The following CSNK1D variants were observed in gnomAD, a reference collection of about 807,000 sequenced individuals.
CSNK1D encodes the protein casein kinase I isoform delta.
Under a neutral mutation model 46.6 loss-of-function variants are expected in CSNK1D, and 16 were observed. That is an observed-to-expected ratio of 0.34 (90% CI 0.23 to 0.52). CSNK1D has a LOEUF of 0.52. CSNK1D is among the 20% of genes least tolerant of loss of function. The pLI, the probability that CSNK1D is intolerant of heterozygous loss-of-function variation, is 0.95. For synonymous variants in CSNK1D, 276 were observed against 228.2 expected, an observed-to-expected ratio of 1.21 and a Z score of -1.89; for missense variants, 398 against 578.4, an observed-to-expected ratio of 0.69 and a Z score of 3.20.
downstream of CSNK1D, chr17:82,242,580 CAAAG>C (rs1489677809): frequency 2.2e-6 from 2 of 925,920 alleles, no homozygotes; most frequent in African/African-American, 1.8e-5. Context: ...ACAGCCATCT[CAAAG>C]AAGTATTTTC....
Position 82,251,901 on chromosome 17 carries a change from G to A in CSNK1D, c.737-374C>T, listed in dbSNP as rs1250984825. On this transcript the variant is annotated intron_variant, in intron 5 of 8. Coordinates refer to ENST00000314028, the MANE Select transcript of CSNK1D (RefSeq NM_001893.6). This position sits in a 1 kb window ranked among gnomAD's most constrained non-coding sequence, Gnocchi z 4.5. ...CCCAGCTACCGGGGAGGCTGACGCA[G>A]GAGAATGGTATGAACCCGGGAGGCG... is the stretch of plus-strand genomic sequence containing the variant. 1.8e-5 allele frequency: 6 copies of A among 341,962 alleles called. No homozygotes were observed. Among genetic ancestry groups the A allele is most frequent in the Non-Finnish European group, 3.3e-5 (6 of 179,132 alleles). 21.2% of individuals were successfully genotyped at this position (341,962 alleles called of 1,614,324 possible).
At chr17:82,261,032 C>T (rs2051326755) in intron 2 of CSNK1D, 1 of 154,940 alleles carries the variant, frequency 6.5e-6, no homozygotes, top group Non-Finnish European at 1.5e-5. Flanking sequence ...GCCACTGCAC[C>T]TGGCCTGTTT....
chr17:82,265,905 G>C, intron 1 of CSNK1D, 109 bp from the exon 2 acceptor site: 1 of 907,564 alleles, frequency 1.1e-6, no homozygotes, highest in Non-Finnish European at 1.8e-6. Context: ...GACCAAGTGA[G>C]GGATGTGTTC....
intron 1 of CSNK1D, among the ~76,000 whole-genome samples, chr17:82,270,251 C>A (rs1239658048): frequency 2.0e-5 from 3 of 152,206 alleles, no homozygotes. Context: ...GCAGTGAGCA[C>A]CCGCCCTCCA....
chr17:82,252,561 T>A lies in CSNK1D; in HGVS notation c.609A>T (p.Leu203=). The A allele has an allele frequency of 6.2e-7, 1 of 1,614,020 alleles. No homozygotes were observed. The highest frequency in any genetic ancestry group is 8.5e-7 in the Non-Finnish European group (1 of 1,180,016). Residue 203 remains leucine (L), a synonymous_variant, in exon 5 of 9, where the codon CTA becomes CTT. Transcript: ENST00000314028. The surrounding 1 kb of genome is among the most constrained non-coding windows in gnomAD (Gnocchi z 4.6). Reference sequence around the variant, plus strand: ...GGAGAGAGCCCAGGTTGAAGTACATTAGCACGTAGCCCAGAGACTCCAAGT... The same window carrying A: ...GGAGAGAGCCCAGGTTGAAGTACATAAGCACGTAGCCCAGAGACTCCAAGT... ...RDDLESLGYV[L]MYFNLGSLPW... is the part of the protein sequence containing the mutation.
Position 82,249,589 on chromosome 17 carries a change from G to T in CSNK1D, c.899C>A (p.Ala300Asp). ...GCGCTCCCGCTCGGCGTCATCGGCGGCCCGGCTGGCACCCTGAGGAGGCAG... is the reference window on the plus strand; with the variant it reads ...GCGCTCCCGCTCGGCGTCATCGGCGTCCCGGCTGGCACCCTGAGGAGGCAG... ...WNMLKFGASR[A>D]ADDAERERRD... The change falls in exon 7 of 9, where the codon GCC becomes GAC. Residue 300 changes from alanine to aspartate, a missense_variant. Physicochemically the swap from Ala to Asp is moderately radical, Grantham distance 126. Coordinates refer to ENST00000314028, the MANE Select transcript of CSNK1D (RefSeq NM_001893.6). This position sits in a 1 kb window ranked among gnomAD's most constrained non-coding sequence, Gnocchi z 6.7. The T allele has an allele frequency of 1.3e-6, 2 of 1,559,672 alleles. No individual in the cohort carries two copies. Among genetic ancestry groups the T allele is most frequent in the Non-Finnish European group, 8.6e-7 (1 of 1,156,948 alleles).
rs1568551392 is a variant in CSNK1D at position 82,244,805 on chromosome 17, ACCACTGGAAG to A, written c.1214_1223del (p.Ala405ValfsTer23). 6.2e-7 allele frequency: 1 copy of A among 1,613,930 alleles called. No individual in the cohort carries two copies. Among genetic ancestry groups the A allele is most frequent in the Non-Finnish European group, 8.5e-7 (1 of 1,180,024 alleles). Reference sequence around the variant, plus strand: ...CTCATCGGTGCACGACAGACTGAAGACCACTGGAAGCCACCCGACCAGGAATCTGTCGGAG... The same window carrying A: ...CTCATCGGTGCACGACAGACTGAAGACCACCCGACCAGGAATCTGTCGGAG... On this transcript the variant is annotated frameshift_variant, in exon 9 of 9. Transcript: ENST00000314028. LOFTEE classifies it high-confidence loss of function.
intron 1 of CSNK1D, among the ~76,000 whole-genome samples, chr17:82,270,667 C>T (rs778952226): frequency 3.3e-5 from 5 of 152,172 alleles, no homozygotes; most frequent in African/African-American, 7.2e-5. Context: ...CTGCCTTACT[C>T]CGGCTAACGT....
intron 8 of CSNK1D, chr17:82,245,168 T>C: frequency 2.0e-6 from 1 of 510,960 alleles, no homozygotes; most frequent in East Asian, 3.5e-5. Context: ...GGTACCCCTC[T>C]CAGGGAAGAC....
In CSNK1D at chr17:82,250,220, G is replaced by C. The variant is rs1170240688; in HGVS notation, c.886-618C>G. On this transcript the variant is annotated intron_variant, in intron 6 of 8. Coordinates refer to ENST00000314028, the MANE Select transcript of CSNK1D (RefSeq NM_001893.6). The surrounding 1 kb of genome is among the most constrained non-coding windows in gnomAD (Gnocchi z 4.6). Reference sequence around the variant, plus strand: ...TTCTAACTGCCAATGCTGTGCGGCAGGGGCCTGCAAACTACAGCCCCGGGG... The same window carrying C: ...TTCTAACTGCCAATGCTGTGCGGCACGGGCCTGCAAACTACAGCCCCGGGG... 2.6e-5 allele frequency: 34 copies of C among 1,289,662 alleles called. No homozygotes were observed. Among genetic ancestry groups the C allele is most frequent in the Non-Finnish European group, 3.4e-5 (34 of 988,802 alleles). 79.9% of individuals were successfully genotyped at this position (1,289,662 alleles called of 1,614,324 possible). A position where few individuals can be genotyped will look rare whatever the true frequency, so the allele number is the denominator to read the frequency against.
chr17:82,257,434 T>C (rs946462829), intron 2 of CSNK1D, among the ~76,000 whole-genome samples: 25 of 152,240 alleles, frequency 1.6e-4, no homozygotes, highest in Non-Finnish European at 3.5e-4. Context: ...AGAGATGCTA[T>C]TGTTTTTTTT....
chr17:82,273,259 G>C lies in CSNK1D; in HGVS notation c.76+47C>G. On this transcript the variant is annotated intron_variant, in intron 1 of 8. Transcript: ENST00000314028. The surrounding 1 kb of genome is among the most constrained non-coding windows in gnomAD (Gnocchi z 5.1). ...GCGATCGCGCTTGGTCTTGGCAGCC[G>C]CAGGGCCCGGGTCTTCGGGCGGCGG... 1 of 1,559,532 alleles carries C rather than the reference G, an allele frequency of 6.4e-7. No individual in the cohort carries two copies. The highest frequency in any genetic ancestry group is 8.7e-7 in the Non-Finnish European group (1 of 1,152,156).
In CSNK1D at chr17:82,249,181, G is replaced by A; in HGVS notation, c.1058-167C>T. The A allele has an allele frequency of 3.3e-6, 3 of 905,010 alleles. No homozygotes were observed. Among genetic ancestry groups the A allele is most frequent in the Non-Finnish European group, 4.9e-6 (3 of 607,342 alleles). The allele number at this position is 905,010 out of a possible 1,614,324, so 56.1% of individuals were successfully genotyped here. ...TCAGATCCGGCCGGAGGGACACAAAGGGACATGGGAGCGAGGTCAAGGGGC... is the reference window on the plus strand; with the variant it reads ...TCAGATCCGGCCGGAGGGACACAAAAGGACATGGGAGCGAGGTCAAGGGGC... On this transcript the variant is annotated intron_variant, in intron 7 of 8. Coordinates refer to ENST00000314028, the MANE Select transcript of CSNK1D (RefSeq NM_001893.6). The surrounding 1 kb of genome is among the most constrained non-coding windows in gnomAD (Gnocchi z 6.7).
chr17:82,273,460 C>A lies in CSNK1D; in HGVS notation c.-79G>T, dbSNP rs1463600873. The A allele has an allele frequency of 4.5e-6, 7 of 1,558,110 alleles. No individual in the cohort carries two copies. The highest frequency in any genetic ancestry group is 1.8e-5 in the Admixed American group (1 of 57,136). ...CTCTGGGAGGCGGCGCCGCTGCTGCCGCTACTGCGGGTCCGGCTCCCGGCT... is the reference window on the plus strand; with the variant it reads ...CTCTGGGAGGCGGCGCCGCTGCTGCAGCTACTGCGGGTCCGGCTCCCGGCT... On this transcript the variant is annotated 5_prime_UTR_variant, in exon 1 of 9. Transcript: ENST00000314028. This position sits in a 1 kb window ranked among gnomAD's most constrained non-coding sequence, Gnocchi z 5.1.
At chr17:82,257,399 A>G (rs893003641) in intron 2 of CSNK1D, among the ~76,000 whole-genome samples, 1 of 152,206 alleles carries the variant, frequency 6.6e-6, no homozygotes. Flanking sequence ...CATTAAAAAA[A>G]TAGTTTCTGC....
intron 2 of CSNK1D, among the ~76,000 whole-genome samples, chr17:82,263,395 G>C (rs1415706535): frequency 6.6e-6 from 1 of 152,214 alleles, no homozygotes; most frequent in Non-Finnish European, 1.5e-5. Context: ...GGAACATGAA[G>C]GTGCAGGCTT....
In CSNK1D at chr17:82,265,735, G is replaced by A. The variant is rs780817260; in HGVS notation, c.138C>T (p.His46=). 9.3e-6 allele frequency: 15 copies of A among 1,614,040 alleles called. No homozygotes were observed. In the East Asian group the frequency reaches 2.0e-4, roughly 22 times the overall value. ...AIKLECVKTK[H]PQLHIESKIY... ...TTTTGCTCTCAATGTGGAGCTGAGGGTGTTTGGTTTTGACACATTCAAGCT... is the reference window on the plus strand; with the variant it reads ...TTTTGCTCTCAATGTGGAGCTGAGGATGTTTGGTTTTGACACATTCAAGCT... Residue 46 remains histidine, a synonymous_variant, in exon 2 of 9, where the codon CAC becomes CAT. Transcript: ENST00000314028.
chr17:82,253,586 G>C, intron 3 of CSNK1D: 1 of 371,774 alleles, frequency 2.7e-6, no homozygotes, highest in Non-Finnish European at 5.2e-6. Context: ...CAGAGAAACT[G>C]CACGGAGGTG....
chr17:82,251,889 G>T lies in CSNK1D; in HGVS notation c.737-362C>A, dbSNP rs1437627683. Reference sequence around the variant, plus strand: ...GGCGCCTGTAGTCCCAGCTACCGGGGAGGCTGACGCAGGAGAATGGTATGA... The same window carrying T: ...GGCGCCTGTAGTCCCAGCTACCGGGTAGGCTGACGCAGGAGAATGGTATGA... On this transcript the variant is annotated intron_variant, in intron 5 of 8. Coordinates refer to ENST00000314028, the MANE Select transcript of CSNK1D (RefSeq NM_001893.6). This position sits in a 1 kb window ranked among gnomAD's most constrained non-coding sequence, Gnocchi z 4.5. The T allele has an allele frequency of 1.2e-5, 4 of 345,852 alleles. No individual in the cohort carries two copies. The highest frequency in any genetic ancestry group is 2.2e-5 in the Non-Finnish European group (4 of 181,428). The allele number at this position is 345,852 out of a possible 1,614,324, so 21.4% of individuals were successfully genotyped here.
Sources: allele counts gnomAD v4.1 joint callset (sites outside exome capture counted in the v4.1 genomes callset), GRCh38; gene constraint gnomAD v4.1.1; non-coding constraint Gnocchi (gnomAD v3.1); transcripts MANE v1.5; gene names NCBI Gene and HGNC (gene_info 2026-07-23, HGNC 2026-07-21).